NEK10: variants seen among roughly 807,000 people sequenced by gnomAD.
The protein encoded by NEK10 is serine/threonine-protein kinase Nek10.
Under a neutral mutation model 159.8 loss-of-function variants are expected in NEK10, and 122 were observed. That is an observed-to-expected ratio of 0.76 (90% CI 0.66 to 0.89). The LOEUF (loss-of-function observed/expected upper bound fraction) is 0.89, where lower values mean the gene tolerates loss of function less well. Among genes scored for constraint, NEK10 ranks in the 40% least tolerant of loss-of-function variants. The pLI, the probability that NEK10 is intolerant of heterozygous loss-of-function variation, is 0.00. For missense variants in NEK10, 1,342 were observed against 1,323.1 expected (o/e 1.01, Z -0.22); for synonymous variants, 466 against 457.1 (o/e 1.02, Z -0.25).
At chr3:27,198,128 A>G (rs556946537) in intron 25 of NEK10, among the ~76,000 whole-genome samples, 1 of 152,306 alleles carries the variant, frequency 6.6e-6, no homozygotes, top group African/African-American at 2.4e-5. Context: ...GAAATCAGAG[A>G]TGACACAAAC....
At chr3:27,125,888 G>A (rs1941886468) in intron 32 of NEK10, among the ~76,000 whole-genome samples, 1 of 152,124 alleles carries the variant, frequency 6.6e-6, no homozygotes, top group Admixed American at 6.6e-5. Context: ...CTTACAACCA[G>A]GAGCTCATCC....
At chr3:27,354,436 TAACTA>T (rs978358614) in intron 1 of NEK10, among the ~76,000 whole-genome samples, 1 of 152,180 alleles carries the variant, frequency 6.6e-6, no homozygotes, top group African/African-American at 2.4e-5. Context: ...ATGTTGCACT[TAACTA>T]AACAGTAAAC....
At chr3:27,151,460 G>C (rs555546068) in intron 30 of NEK10, among the ~76,000 whole-genome samples, 1 of 152,284 alleles carries the variant, frequency 6.6e-6, no homozygotes, top group South Asian at 2.1e-4. Context: ...AAGGGTAAGA[G>C]TACTACATCA....
chr3:27,322,625 A>G (rs2045729095), intron 5 of NEK10, among the ~76,000 whole-genome samples: 1 of 152,238 alleles, frequency 6.6e-6, no homozygotes, highest in Non-Finnish European at 1.5e-5. Flanking sequence ...TTGAAAAAAT[A>G]ATACATTACA....
intron 9 of NEK10, 93 bp from the exon 10 acceptor site, chr3:27,309,098 C>A (rs558818453): frequency 4.7e-5 from 29 of 620,864 alleles, no homozygotes; most frequent in Non-Finnish European, 7.1e-5. Context: ...TTACCAGCTG[C>A]TTGAATGACA....
chr3:27,139,450 T>C (rs1455943240), intron 31 of NEK10, among the ~76,000 whole-genome samples: 1 of 152,180 alleles, frequency 6.6e-6, no homozygotes, highest in African/African-American at 2.4e-5. Context: ...GGGGAATTCA[T>C]GTACACCATG....
chr3:27,202,070 G>C (rs1207582592), intron 24 of NEK10, among the ~76,000 whole-genome samples: 2 of 152,114 alleles, frequency 1.3e-5, no homozygotes, highest in Non-Finnish European at 2.9e-5. Context: ...AGAATTGCTT[G>C]AGCCCAGGAG....
At chr3:27,231,484 GAAAT>G (rs1953264547) in intron 23 of NEK10, among the ~76,000 whole-genome samples, 1 of 151,510 alleles carries the variant, frequency 6.6e-6, no homozygotes, top group South Asian at 2.1e-4. Context: ...CAGAAGAAAA[GAAAT>G]AACAAACATC....
chr3:27,176,479 C>G (rs1042482963), intron 26 of NEK10, among the ~76,000 whole-genome samples: 1 of 152,142 alleles, frequency 6.6e-6, no homozygotes, highest in African/African-American at 2.4e-5. Context: ...AGGCTAGTAT[C>G]GGGCTTCTAA....
At chr3:27,279,790 A>T (rs111828925) in intron 22 of NEK10, among the ~76,000 whole-genome samples, 1,757 of 152,264 alleles carry the variant, frequency 0.012, 10 homozygotes, top group South Asian at 0.021. Flanking sequence ...GAAGGCTGCT[A>T]GCCTCACCAG....
chr3:27,265,767 A>G (rs1162840597), intron 22 of NEK10: 4 of 149,948 alleles, frequency 2.7e-5, no homozygotes, highest in African/African-American at 9.8e-5. Context: ...TAAGTTTTGG[A>G]TACAAATTAT....
At chr3:27,320,865 C>T (rs1025036275) in intron 6 of NEK10, among the ~76,000 whole-genome samples, 4 of 152,116 alleles carry the variant, frequency 2.6e-5, no homozygotes, top group Admixed American at 2.0e-4. Flanking sequence ...TGGTTGGTAC[C>T]AAAATACTTT....
chr3:27,132,737 T>C (rs1055781600), intron 31 of NEK10, among the ~76,000 whole-genome samples: 4 of 152,030 alleles, frequency 2.6e-5, no homozygotes, highest in Admixed American at 1.3e-4. Context: ...AGAAGAAGGA[T>C]AATAGAAAAG....
chr3:27,140,465 C>G (rs1416625811), intron 31 of NEK10, among the ~76,000 whole-genome samples: 1 of 152,208 alleles, frequency 6.6e-6, no homozygotes, highest in Non-Finnish European at 1.5e-5. Context: ...TCAGCAAATA[C>G]TAGACACTGG....
chr3:27,131,255 G>A (rs2125516279), intron 32 of NEK10, among the ~76,000 whole-genome samples: 1 of 152,214 alleles, frequency 6.6e-6, no homozygotes, highest in South Asian at 2.1e-4. Flanking sequence ...GGAGCTTATG[G>A]CCACTTCCAG....
chr3:27,213,823 T>A (rs781327444), intron 23 of NEK10, among the ~76,000 whole-genome samples: 4 of 145,022 alleles, frequency 2.8e-5, no homozygotes, highest in Non-Finnish European at 4.6e-5. Context: ...CAAAATATAT[T>A]CCTTTGACAT....
At chr3:27,274,827 T>C (rs1260936527) in intron 22 of NEK10, among the ~76,000 whole-genome samples, 1 of 152,050 alleles carries the variant, frequency 6.6e-6, no homozygotes, top group African/African-American at 2.4e-5. Context: ...ACTGAATTAG[T>C]CTCTACAAAA....
chr3:27,149,720 C>T (rs372466645), intron 30 of NEK10, among the ~76,000 whole-genome samples: 2 of 152,078 alleles, frequency 1.3e-5, no homozygotes, highest in African/African-American at 4.8e-5. Flanking sequence ...TGAGATTAAG[C>T]CAGTTAATAA....
chr3:27,162,776 C>T (rs775707427), intron 29 of NEK10, 38 bp from the exon 30 acceptor site: 4 of 1,613,292 alleles, frequency 2.5e-6, no homozygotes, highest in Admixed American at 1.7e-5. Flanking sequence ...ATGACCTGTT[C>T]AACTTGGATT....
Sources: gnomAD v4.1 joint callset for allele counts (sites outside exome capture counted in the v4.1 genomes callset) on GRCh38, gnomAD v4.1.1 for gene constraint, MANE v1.5 for transcripts, NCBI Gene and HGNC (gene_info 2026-07-23, HGNC 2026-07-21) for gene names.